Variants in STEAP3 observed in about 807,000 individuals in gnomAD.
STEAP3 encodes the protein metalloreductase STEAP3.
Under a neutral mutation model 34.9 loss-of-function variants are expected in STEAP3, and 35 were observed. That is an observed-to-expected ratio of 1.00 (90% confidence interval 0.76 to 1.33). The LOEUF (loss-of-function observed/expected upper bound fraction) is 1.33, where lower values mean the gene tolerates loss of function less well. Among genes scored for constraint, STEAP3 ranks in the 40% most tolerant of loss-of-function variants. STEAP3 has a pLI of 0.00. For missense variants in STEAP3, 652 were observed against 667.6 expected (o/e 0.98, Z 0.26); for synonymous variants, 281 against 301.6 (o/e 0.93, Z 0.71).
At chr2:119,255,807 C>A (rs1375717822) in intron 5 of STEAP3, among the ~76,000 whole-genome samples, 1 of 152,040 alleles carries the variant, frequency 6.6e-6, no homozygotes, top group African/African-American at 2.4e-5. Flanking sequence ...GCAAAAGTTT[C>A]TTTTTGCATT....
chr2:119,263,039 CT>C lies in STEAP3; in HGVS notation c.1216-11del. 4.4e-6 allele frequency: 7 copies of C among 1,597,574 alleles called. No individual in the cohort carries two copies. Among genetic ancestry groups the C allele is most frequent in the African/African-American group, 1.3e-5 (1 of 74,936 alleles). On this transcript the variant is annotated splice_polypyrimidine_tract_variant and intron_variant, in intron 5 of 5. Transcript: ENST00000393110. ...GTCATCCCCTCGCCCTCACTCCAGCCTTTTTTTCCCTCCACAGTCCTCACTG... is the reference window on the plus strand; with the variant it reads ...GTCATCCCCTCGCCCTCACTCCAGCCTTTTTTCCCTCCACAGTCCTCACTG...
In STEAP3 at chr2:119,247,054, C is replaced by A. The variant is rs1176668388; in HGVS notation, c.523-625C>A. On this transcript the variant is annotated intron_variant, in intron 3 of 5. Coordinates refer to ENST00000393110, the MANE Select transcript of STEAP3 (RefSeq NM_182915.3). Reference sequence around the variant, plus strand: ...TGTTTGGAGACTAAACTGACCAATGCAGTGTCAACAAGGCCCACGGGGTGC... The same window carrying A: ...TGTTTGGAGACTAAACTGACCAATGAAGTGTCAACAAGGCCCACGGGGTGC... Among the ~76,000 whole-genome samples the A allele has an allele frequency of 3.3e-5, 5 of 152,260 alleles. No homozygotes were observed. In the East Asian group the frequency reaches 9.7e-4, roughly 29 times the overall value.
At chr2:119,239,262 T>A (rs141594454) in intron 2 of STEAP3, 2 of 152,326 alleles carry the variant, frequency 1.3e-5, no homozygotes, top group Non-Finnish European at 2.9e-5. Flanking sequence ...GTGCGAGAAT[T>A]TTTTTGTTTT....
chr2:119,245,624 T>C lies in STEAP3; in HGVS notation c.158T>C (p.Leu53Pro). 1 of 1,610,314 alleles carries C rather than the reference T, an allele frequency of 6.2e-7. No homozygotes were observed. The highest frequency in any genetic ancestry group is 8.5e-7 in the Non-Finnish European group (1 of 1,176,862). Reference sequence around the variant, plus strand: ...GGTAGCGGGGACTTTGCCCGCTCCCTGGCCACACGCCTGGTGGGCTCTGGC... The same window carrying C: ...GGTAGCGGGGACTTTGCCCGCTCCCCGGCCACACGCCTGGTGGGCTCTGGC... ...ILGSGDFARSLATRLVGSGFK... is the reference protein window; with the variant it reads ...ILGSGDFARSPATRLVGSGFK... Residue 53 changes from leucine (L) to proline (P), a missense_variant, in exon 3 of 6, where the codon CTG becomes CCG. Transcript: ENST00000393110.
chr2:119,254,088 G>C (rs1677703741), intron 4 of STEAP3, among the ~76,000 whole-genome samples: 1 of 152,090 alleles, frequency 6.6e-6, no homozygotes, highest in African/African-American at 2.4e-5. Context: ...TGTATGTCCT[G>C]AGTGTGAGCC....
At position 119,245,565 on chromosome 2, in the gene STEAP3, G is replaced by A; in HGVS notation, c.99G>A (p.Lys33=). 1.9e-6 allele frequency: 3 copies of A among 1,604,260 alleles called. No homozygotes were observed. Among genetic ancestry groups the A allele is most frequent in the Non-Finnish European group, 2.6e-6 (3 of 1,171,844 alleles). The change falls in exon 3 of 6, where the codon AAG becomes AAA. Residue 33 remains lysine, a synonymous_variant. Coordinates refer to ENST00000393110, the MANE Select transcript of STEAP3 (RefSeq NM_182915.3). ...TGGACAGCGATAGTAGCCTTGCCAA[G>A]GTCCCCGATGAGGCCCCCAAAGTGG... is the stretch of plus-strand genomic sequence containing the variant. ...HLVDSDSSLA[K]VPDEAPKVGI...
At chr2:119,258,778 T>C (rs1408741131) in intron 5 of STEAP3, among the ~76,000 whole-genome samples, 1 of 114,328 alleles carries the variant, frequency 8.7e-6, no homozygotes, top group Admixed American at 8.0e-5. Context: ...TGGCTAATTT[T>C]TTTTTTTTTT....
rs1678007363 is a variant in STEAP3, at chr2:119,263,376, G to C, written c.*38G>C. ...GGGCTCTGGACCCCGGGCACACGAG[G>C]GACGGTGCCCTGAGCCCGTTAGGTT... is the stretch of plus-strand genomic sequence containing the variant. On this transcript the variant is annotated 3_prime_UTR_variant, in exon 6 of 6. Coordinates refer to ENST00000393110, the MANE Select transcript of STEAP3 (RefSeq NM_182915.3). 8.1e-6 allele frequency: 13 copies of C among 1,597,002 alleles called. No individual in the cohort carries two copies. Among genetic ancestry groups the C allele is most frequent in the Non-Finnish European group, 1.1e-5 (13 of 1,172,336 alleles).
chr2:119,245,324 T>G, intron 2 of STEAP3, 165 bp from the exon 3 acceptor site: 2 of 949,464 alleles, frequency 2.1e-6, no homozygotes, highest in Non-Finnish European at 3.1e-6. Flanking sequence ...AGGGGCTGTG[T>G]TGTGTTCAGC....
chr2:119,245,414 G>A, intron 2 of STEAP3, 75 bp from the exon 3 acceptor site: 1 of 1,516,114 alleles, frequency 6.6e-7, no homozygotes, highest in Non-Finnish European at 8.8e-7. Flanking sequence ...TAGTTACGAT[G>A]TATAAGAGGA....
intron 5 of STEAP3, among the ~76,000 whole-genome samples, chr2:119,258,774 A>AT (rs57860527): frequency 0.077 from 9,336 of 120,854 alleles, 454 homozygotes; most frequent in East Asian, 0.21. Flanking sequence ...CACCTGGCTA[A>AT]TTTTTTTTTT....
Position 119,263,717 on chromosome 2 carries a change from G to C in STEAP3, c.*379G>C, listed in dbSNP as rs79930868. On this transcript the variant is annotated 3_prime_UTR_variant, in exon 6 of 6. Coordinates refer to ENST00000393110, the MANE Select transcript of STEAP3 (RefSeq NM_182915.3). ...TACAGAAGAGGCTTGTGCTGTGGTG[G>C]GTTCGATTTATCCCTGCCCACCCCA... The C allele has an allele frequency of 1.8e-5, 6 of 337,174 alleles. No individual in the cohort carries two copies. In the East Asian group the frequency reaches 4.9e-4, roughly 28 times the overall value. The allele number at this position is 337,174 out of a possible 1,614,324, so 20.9% of individuals were successfully genotyped here. A position where few individuals can be genotyped will look rare whatever the true frequency, so the allele number is the denominator to read the frequency against.
At chr2:119,255,757 A>AG (rs1397950245) in intron 5 of STEAP3, among the ~76,000 whole-genome samples, 6 of 151,366 alleles carry the variant, frequency 4.0e-5, no homozygotes, top group Admixed American at 1.3e-4. Flanking sequence ...AAAAAAAAAA[A>AG]AATACTCCAC....
chr2:119,246,426 C>A (rs1364693157), intron 3 of STEAP3: 3 of 166,982 alleles, frequency 1.8e-5, no homozygotes, highest in African/African-American at 7.2e-5. Context: ...CTTCCAAGAA[C>A]TGATTTCTCA....
At chr2:119,253,088 C>T (rs948700157) in intron 4 of STEAP3, among the ~76,000 whole-genome samples, 10 of 152,172 alleles carry the variant, frequency 6.6e-5, no homozygotes, top group East Asian at 1.9e-4. Flanking sequence ...GCCCTCTGCA[C>T]GCCTTTCCAG....
intron 4 of STEAP3, chr2:119,248,471 G>A (rs1677520931): frequency 2.0e-6 from 1 of 489,840 alleles, no homozygotes; most frequent in East Asian, 3.4e-5. Flanking sequence ...GAGTCATAGT[G>A]GGCGTTGAGA....
intron 2 of STEAP3, among the ~76,000 whole-genome samples, chr2:119,242,047 G>T (rs902676373): frequency 6.6e-6 from 1 of 152,196 alleles, no homozygotes; most frequent in Non-Finnish European, 1.5e-5. Context: ...TTGGCGATGG[G>T]TCTTATTCAA....
At chr2:119,254,437 G>A (rs1677714873) in intron 4 of STEAP3, among the ~76,000 whole-genome samples, 1 of 152,114 alleles carries the variant, frequency 6.6e-6, no homozygotes, top group Non-Finnish European at 1.5e-5. Context: ...GTGACCTTGG[G>A]AAAGTGATTT....
chr2:119,231,353 G>A (rs1346715533), intron 2 of STEAP3, among the ~76,000 whole-genome samples: 83 of 42,336 alleles, frequency 2.0e-3, no homozygotes, highest in Middle Eastern at 0.014. Flanking sequence ...GTGTGTGTGT[G>A]TGTGTGTGTG....
Sources: gnomAD v4.1 joint callset for allele counts (sites outside exome capture counted in the v4.1 genomes callset) on GRCh38, gnomAD v4.1.1 for gene constraint, MANE v1.5 for transcripts, NCBI Gene and HGNC (gene_info 2026-07-23, HGNC 2026-07-21) for gene names.